NOX4: variants seen among roughly 807,000 people sequenced by gnomAD.
NOX4 encodes the protein NADPH oxidase 4, also known as kidney oxidase-1.
A neutral mutation model predicts 87.6 loss-of-function variants in NOX4; 69 were observed. The ratio of observed to expected loss-of-function variants is 0.79; its 90% CI spans 0.65 to 0.96. The LOEUF is 0.96. Among genes scored for constraint, NOX4 ranks in the 40% least tolerant of loss-of-function variants. The pLI, the probability that NOX4 is intolerant of heterozygous loss-of-function variation, is 0.00. For synonymous variants in NOX4, 275 were observed against 238.2 expected (o/e 1.15, Z -1.42); for missense variants, 680 against 681.5 (o/e 1.00, Z 0.02).
chr11:89,421,260 T>G (rs1448551370), intron 8 of NOX4, among the ~76,000 whole-genome samples: 1 of 152,188 alleles, frequency 6.6e-6, no homozygotes, highest in African/African-American at 2.4e-5. Flanking sequence ...CATATGCATG[T>G]ACAAAAATAC....
the NOX4 span, among the ~76,000 whole-genome samples, chr11:89,580,877 A>G: frequency 6.6e-6 from 1 of 152,200 alleles, no homozygotes; most frequent in Non-Finnish European, 1.5e-5. Flanking sequence ...GAAACATGGA[A>G]TTTATTATGC....
chr11:89,382,463 C>T (rs921282885), intron 11 of NOX4, among the ~76,000 whole-genome samples: 2 of 152,148 alleles, frequency 1.3e-5, no homozygotes, highest in Non-Finnish European at 2.9e-5. Flanking sequence ...AGGTGCCTGA[C>T]ATCCAGGCAT....
At chr11:89,507,721 T>G in the NOX4 span, among the ~76,000 whole-genome samples, 1 of 151,916 alleles carries the variant, frequency 6.6e-6, no homozygotes, top group Admixed American at 6.6e-5. Context: ...ACTCTTTTAC[T>G]CTTATGTTTC....
upstream of NOX4, among the ~76,000 whole-genome samples, chr11:89,496,580 T>A (rs1591385468): frequency 6.9e-6 from 1 of 144,400 alleles, no homozygotes; most frequent in Non-Finnish European, 1.5e-5. Context: ...AATAGAGCTG[T>A]AAAAAAAAAA....
At chr11:89,386,621 G>A (rs773172216) in intron 11 of NOX4, among the ~76,000 whole-genome samples, 2 of 151,930 alleles carry the variant, frequency 1.3e-5, no homozygotes, top group African/African-American at 2.4e-5. Context: ...ACAATTGCTG[G>A]CTTTGCATTT....
chr11:89,361,057 TTAAAG>T (rs780722554), intron 12 of NOX4, among the ~76,000 whole-genome samples: 1 of 152,032 alleles, frequency 6.6e-6, no homozygotes, highest in Admixed American at 6.6e-5. Flanking sequence ...CTTAAAGAAC[TTAAAG>T]TAAAACAACC....
At chr11:89,504,563 G>T in the NOX4 span, among the ~76,000 whole-genome samples, 2 of 151,810 alleles carry the variant, frequency 1.3e-5, no homozygotes, top group Non-Finnish European at 2.9e-5. Context: ...GGAAAGAAAT[G>T]GATAGATTTT....
chr11:89,363,735 G>A (rs1329626664), intron 12 of NOX4, among the ~76,000 whole-genome samples: 2 of 152,078 alleles, frequency 1.3e-5, no homozygotes, highest in Non-Finnish European at 2.9e-5. Context: ...CAACTAGAAA[G>A]ATATGGAGCA....
the NOX4 span, among the ~76,000 whole-genome samples, chr11:89,554,895 T>C: frequency 6.6e-6 from 1 of 152,170 alleles, no homozygotes; most frequent in African/African-American, 2.4e-5. Flanking sequence ...ATTATTCATC[T>C]GGGTCTGCTG....
the NOX4 span, among the ~76,000 whole-genome samples, chr11:89,543,182 T>C: frequency 3.3e-5 from 5 of 152,170 alleles, no homozygotes; most frequent in Admixed American, 6.5e-5. Flanking sequence ...AAAACTTCAC[T>C]TGTACTGCCT....
the NOX4 span, among the ~76,000 whole-genome samples, chr11:89,505,715 A>C: frequency 6.6e-6 from 1 of 151,928 alleles, no homozygotes; most frequent in African/African-American, 2.4e-5. Context: ...TGCTAGTGTA[A>C]AAGAAACTTG....
the NOX4 span, among the ~76,000 whole-genome samples, chr11:89,576,039 T>C: frequency 6.6e-6 from 1 of 152,208 alleles, no homozygotes; most frequent in Non-Finnish European, 1.5e-5. Flanking sequence ...TTGTCCAGTT[T>C]TGGGCACATG....
At chr11:89,545,923 G>A in the NOX4 span, among the ~76,000 whole-genome samples, 21 of 152,206 alleles carry the variant, frequency 1.4e-4, no homozygotes, top group Admixed American at 1.2e-3. Flanking sequence ...GAGTCTGCCT[G>A]CATTGTATGA....
chr11:89,452,058 C>T (rs1012205092), intron 2 of NOX4, among the ~76,000 whole-genome samples, 163 bp from the exon 3 acceptor site: 1 of 152,152 alleles, frequency 6.6e-6, no homozygotes, highest in African/African-American at 2.4e-5. Context: ...CTCACTAAAA[C>T]CCCCTTTGAA....
chr11:89,578,959 G>A, the NOX4 span, among the ~76,000 whole-genome samples: 36 of 152,210 alleles, frequency 2.4e-4, 1 homozygote, highest in South Asian at 4.8e-3. Flanking sequence ...TACCTGCAAT[G>A]AAATATTATT....
Position 89,444,231 on chromosome 11 carries a change from G to C in NOX4, c.351C>G (p.Gly117=), listed in dbSNP as rs761703750. ...TCGVTICIFS[G]VHVAAHLVNA... ...TCACCAGATGGGCAGCCACATGCAC[G>C]CCTACAGAATTACACCAGGGGTAAG... The change falls in exon 5 of 18, where the codon GGC becomes GGG. Residue 117 remains glycine (G), a splice_region_variant and synonymous_variant. Coordinates refer to ENST00000263317, the MANE Select transcript of NOX4 (RefSeq NM_016931.5). The C allele has an allele frequency of 3.7e-6, 6 of 1,612,514 alleles. No individual in the cohort carries two copies. The highest frequency in any genetic ancestry group is 5.1e-6 in the Non-Finnish European group (6 of 1,178,940).
chr11:89,569,155 A>C, the NOX4 span, among the ~76,000 whole-genome samples: 1,996 of 152,120 alleles, frequency 0.013, 40 homozygotes, highest in African/African-American at 0.046. Flanking sequence ...GGTCCTGTCA[A>C]AGATTTCATG....
intron 2 of NOX4, among the ~76,000 whole-genome samples, chr11:89,462,075 T>G (rs896053943): frequency 1.5e-4 from 23 of 152,000 alleles, no homozygotes; most frequent in Non-Finnish European, 3.4e-4. Context: ...TGCATTACTA[T>G]AAAATGGCGA....
intron 2 of NOX4, among the ~76,000 whole-genome samples, chr11:89,468,637 A>G (rs188869051): frequency 8.7e-4 from 132 of 152,340 alleles, no homozygotes; most frequent in African/African-American, 2.9e-3. Flanking sequence ...AGCGGGTGAG[A>G]GAAGGTACAT....
Sources: allele counts gnomAD v4.1 joint callset (sites outside exome capture counted in the v4.1 genomes callset), GRCh38; gene constraint gnomAD v4.1.1; transcripts MANE v1.5; gene names NCBI Gene and HGNC (gene_info 2026-07-23, HGNC 2026-07-21).